PARD6A: variants seen among roughly 807,000 people sequenced by gnomAD.
PARD6A encodes par-6 family cell polarity regulator alpha.
A neutral mutation model predicts 21.3 loss-of-function variants in PARD6A; 20 were observed. The ratio of observed to expected loss-of-function variants is 0.94; its 90% CI spans 0.66 to 1.36. PARD6A has a LOEUF of 1.36. PARD6A is among the 40% of genes most tolerant of loss of function. The probability of loss-of-function intolerance (pLI) is 0.00; values close to 1 mark genes in which losing one functional copy is unlikely to be tolerated. For synonymous variants in PARD6A, 214 were observed against 204.8 expected (o/e 1.04, Z -0.38); for missense variants, 411 against 482.0 (o/e 0.85, Z 1.38).
Position 67,662,414 on chromosome 16 carries a change from G to A in PARD6A, c.805G>A (p.Gly269Arg). ...SGRLTGPPSA[G>R]PGPAEPDSDD... is the part of the protein sequence containing the mutation. Reference sequence around the variant, plus strand: ...GCGTTTGACAGGTCCTCCCTCTGCAGGGCCTGGGCCTGCTGAGCCTGATAG... The same window carrying A: ...GCGTTTGACAGGTCCTCCCTCTGCAAGGCCTGGGCCTGCTGAGCCTGATAG... Residue 269 changes from glycine to arginine, a missense_variant, in exon 3 of 3, where the codon GGG (glycine) becomes AGG (arginine). Physicochemically the swap from Gly to Arg is moderately radical, Grantham distance 125 (BLOSUM62 -2). Coordinates refer to ENST00000458121, the MANE Select transcript of PARD6A (RefSeq NM_001037281.2). This position sits in a 1 kb window ranked among gnomAD's most constrained non-coding sequence, Gnocchi z 6.9. The A allele has an allele frequency of 6.2e-7, 1 of 1,613,946 alleles. No individual in the cohort carries two copies. Among genetic ancestry groups the A allele is most frequent in the Non-Finnish European group, 8.5e-7 (1 of 1,179,976 alleles).
In PARD6A at chr16:67,661,901, G is replaced by C; in HGVS notation, c.292G>C (p.Asp98His). The C allele has an allele frequency of 6.3e-7, 1 of 1,588,698 alleles. No homozygotes were observed. The highest frequency in any genetic ancestry group is 8.5e-7 in the Non-Finnish European group (1 of 1,170,806). The change falls in exon 3 of 3, where the codon GAC becomes CAC. Residue 98 changes from aspartate (D) to histidine (H), a missense_variant. Transcript: ENST00000458121. This position sits in a 1 kb window ranked among gnomAD's most constrained non-coding sequence, Gnocchi z 7.0. Reference protein sequence around the residue: ...LRLLVQKREADSSGLAFASNS... With the variant: ...LRLLVQKREAHSSGLAFASNS... ...TCCCCCCTCTTCTGCAGCAGAAGCT[G>C]ACTCCAGCGGCCTGGCTTTTGCCTC...
chr16:67,660,974 C>A lies in PARD6A; in HGVS notation c.-65C>A, dbSNP rs1245112221. ...GGCGGGGCGGCGCGGGCGGGCCGGC[C>A]GGGCTGTGCACCTGCGCCTCGGCGG... On this transcript the variant is annotated 5_prime_UTR_variant, in exon 1 of 3. Coordinates refer to ENST00000458121, the MANE Select transcript of PARD6A (RefSeq NM_001037281.2). 4.8e-6 allele frequency: 3 copies of A among 623,336 alleles called. No homozygotes were observed. In the African/African-American group the frequency reaches 5.9e-5, roughly 12 times the overall value. 38.6% of individuals were successfully genotyped at this position (623,336 alleles called of 1,614,324 possible). A position where few individuals can be genotyped will look rare whatever the true frequency, so the allele number is the denominator to read the frequency against.
rs2053016189 is a variant in PARD6A, at chr16:67,661,517, C to G, written c.126C>G (p.Phe42Leu). The G allele has an allele frequency of 6.2e-7, 1 of 1,609,940 alleles. No homozygotes were observed. Among genetic ancestry groups the G allele is most frequent in the Non-Finnish European group, 8.5e-7 (1 of 1,179,984 alleles). ...PRASVSGFQE[F>L]SRLLRAVHQI... Reference sequence around the variant, plus strand: ...CTTCGGTGAGCGGCTTCCAGGAGTTCTCGCGGTTGCTGCGGGCGGTGCACC... The same window carrying G: ...CTTCGGTGAGCGGCTTCCAGGAGTTGTCGCGGTTGCTGCGGGCGGTGCACC... The change falls in exon 2 of 3, where the codon TTC becomes TTG. Residue 42 changes from phenylalanine (F) to leucine (L), a missense_variant. By Grantham distance (22) the Phe-to-Leu change is conservative. Coordinates refer to ENST00000458121, the MANE Select transcript of PARD6A (RefSeq NM_001037281.2). This position sits in a 1 kb window ranked among gnomAD's most constrained non-coding sequence, Gnocchi z 7.0.
chr16:67,661,998 T>C lies in PARD6A; in HGVS notation c.389T>C (p.Leu130Ser). The C allele has an allele frequency of 3.1e-6, 5 of 1,613,638 alleles. No homozygotes were observed. Among genetic ancestry groups the C allele is most frequent in the Non-Finnish European group, 4.2e-6 (5 of 1,180,026 alleles). The change falls in exon 3 of 3, where the codon TTG becomes TCG. Residue 130 changes from leucine (L) to serine (S), a missense_variant. Physicochemically the swap from Leu to Ser is moderately radical, Grantham distance 145. Coordinates refer to ENST00000458121, the MANE Select transcript of PARD6A (RefSeq NM_001037281.2). This position sits in a 1 kb window ranked among gnomAD's most constrained non-coding sequence, Gnocchi z 7.0. ...GCACCCCTGCGCACCCGGCCACCCT[T>C]GCTAATCAGCCTGCCCCAAGATTTC... is the stretch of plus-strand genomic sequence containing the variant. ...PVAPLRTRPPLLISLPQDFRQ... is the reference protein window; with the variant it reads ...PVAPLRTRPPSLISLPQDFRQ...
In PARD6A at chr16:67,662,374, G is replaced by T; in HGVS notation, c.765G>T (p.Val255=). 1 of 1,614,100 alleles carries T rather than the reference G, an allele frequency of 6.2e-7. No homozygotes were observed. The highest frequency in any genetic ancestry group is 1.1e-5 in the South Asian group (1 of 91,088). ...CCGCCAACCAGCGCAATAACGTGGT[G>T]CGAGGGGCATCTGGGCGTTTGACAG... The part of the protein sequence containing the change: ...VKPANQRNNV[V]RGASGRLTGP... The change falls in exon 3 of 3, where the codon GTG becomes GTT. Residue 255 remains valine (V), a synonymous_variant. Transcript: ENST00000458121. The surrounding 1 kb of genome is among the most constrained non-coding windows in gnomAD (Gnocchi z 6.9).
chr16:67,662,080 G>T lies in PARD6A; in HGVS notation c.471G>T (p.Val157=). The change falls in exon 3 of 3, where the codon GTG becomes GTT. Residue 157 remains valine, a synonymous_variant. Coordinates refer to ENST00000458121, the MANE Select transcript of PARD6A (RefSeq NM_001037281.2). The surrounding 1 kb of genome is among the most constrained non-coding windows in gnomAD (Gnocchi z 6.9). ...TACTGCCTGAGACCCACCGACGGGT[G>T]CGGCTGCACAAGCATGGTTCAGACC... ...VDLLPETHRR[V]RLHKHGSDRP... The T allele has an allele frequency of 2.5e-6, 4 of 1,613,832 alleles. No individual in the cohort carries two copies. The highest frequency in any genetic ancestry group is 3.4e-6 in the Non-Finnish European group (4 of 1,180,000).
rs2053004791 is a variant in PARD6A, at chr16:67,661,026, G to T, written c.-13G>T. ...CCGCCTGGGGCACCGTCCCCGGCCC[G>T]CCCGGCCCCGCCATGGCCCGGCCGC... On this transcript the variant is annotated 5_prime_UTR_variant, in exon 1 of 3. Coordinates refer to ENST00000458121, the MANE Select transcript of PARD6A (RefSeq NM_001037281.2). The surrounding 1 kb of genome is among the most constrained non-coding windows in gnomAD (Gnocchi z 7.0). 6.7e-7 allele frequency: 1 copy of T among 1,495,570 alleles called. No homozygotes were observed. 92.6% of individuals were successfully genotyped at this position (1,495,570 alleles called of 1,614,324 possible). A position where few individuals can be genotyped will look rare whatever the true frequency, so the allele number is the denominator to read the frequency against.
In PARD6A at chr16:67,662,231, C is replaced by T. The variant is rs1229970538; in HGVS notation, c.622C>T (p.Leu208=). 6.2e-7 allele frequency: 1 copy of T among 1,614,126 alleles called. No homozygotes were observed. The highest frequency in any genetic ancestry group is 1.7e-5 in the Admixed American group (1 of 60,026). The stretch of plus-strand genomic sequence containing the variant: ...GGGTCTGGCTGAGAGTACAGGGCTG[C>T]TGGCGGTCAGTGATGAGATCCTCGA... The part of the protein sequence containing the change: ...RGGLAESTGL[L]AVSDEILEVN... Residue 208 remains leucine, a synonymous_variant, in exon 3 of 3, where the codon CTG becomes TTG. Coordinates refer to ENST00000458121, the MANE Select transcript of PARD6A (RefSeq NM_001037281.2). The surrounding 1 kb of genome is among the most constrained non-coding windows in gnomAD (Gnocchi z 6.9).
chr16:67,660,966 G>T lies in PARD6A; in HGVS notation c.-73G>T. The stretch of plus-strand genomic sequence containing the variant: ...CCGCCAGGGGCGGGGCGGCGCGGGC[G>T]GGCCGGCCGGGCTGTGCACCTGCGC... On this transcript the variant is annotated 5_prime_UTR_variant, in exon 1 of 3. Transcript: ENST00000458121. 1 of 495,060 alleles carries T rather than the reference G, an allele frequency of 2.0e-6. No individual in the cohort carries two copies. The highest frequency in any genetic ancestry group is 8.1e-5 in the South Asian group (1 of 12,392). The allele number at this position is 495,060 out of a possible 1,614,324, so 30.7% of individuals were successfully genotyped here.
Position 67,660,990 on chromosome 16 carries a change from G to C in PARD6A, c.-49G>C. ...CGGGCCGGCCGGGCTGTGCACCTGC[G>C]CCTCGGCGGGCCGCCTGGGGCACCG... is the stretch of plus-strand genomic sequence containing the variant. On this transcript the variant is annotated 5_prime_UTR_variant, in exon 1 of 3. Transcript: ENST00000458121. 1 of 944,252 alleles carries C rather than the reference G, an allele frequency of 1.1e-6. No homozygotes were observed. The highest frequency in any genetic ancestry group is 2.8e-5 in the South Asian group (1 of 35,902). 58.5% of individuals were successfully genotyped at this position (944,252 alleles called of 1,614,324 possible). A position where few individuals can be genotyped will look rare whatever the true frequency, so the allele number is the denominator to read the frequency against.
Position 67,661,715 on chromosome 16 carries a change from G to C in PARD6A, c.286+38G>C, listed in dbSNP as rs1246113864. 6.3e-7 allele frequency: 1 copy of C among 1,595,164 alleles called. No individual in the cohort carries two copies. ...ACAGTGGGCAGCCTCTGTGGGGTAAGGTGTCTGTGGGGCAGGTCTACAAGG... is the reference window on the plus strand; with the variant it reads ...ACAGTGGGCAGCCTCTGTGGGGTAACGTGTCTGTGGGGCAGGTCTACAAGG... On this transcript the variant is annotated intron_variant, in intron 2 of 2. Transcript: ENST00000458121. The surrounding 1 kb of genome is among the most constrained non-coding windows in gnomAD (Gnocchi z 7.0).
chr16:67,662,078 G>A lies in PARD6A; in HGVS notation c.469G>A (p.Val157Met). ...CCTACTGCCTGAGACCCACCGACGG[G>A]TGCGGCTGCACAAGCATGGTTCAGA... ...VDLLPETHRR[V>M]RLHKHGSDRP... Residue 157 changes from valine (V) to methionine (M), a missense_variant, in exon 3 of 3, where the codon GTG (valine) becomes ATG (methionine). Transcript: ENST00000458121. The surrounding 1 kb of genome is among the most constrained non-coding windows in gnomAD (Gnocchi z 6.9). 8.7e-6 allele frequency: 14 copies of A among 1,613,840 alleles called. No individual in the cohort carries two copies. Among genetic ancestry groups the A allele is most frequent in the East Asian group, 2.2e-5 (1 of 44,878 alleles).
chr16:67,662,086 G>A lies in PARD6A; in HGVS notation c.477G>A (p.Leu159=). ...CTGAGACCCACCGACGGGTGCGGCT[G>A]CACAAGCATGGTTCAGACCGCCCCC... ...LLPETHRRVR[L]HKHGSDRPLG... Residue 159 remains leucine (L), a synonymous_variant, in exon 3 of 3, where the codon CTG becomes CTA. Coordinates refer to ENST00000458121, the MANE Select transcript of PARD6A (RefSeq NM_001037281.2). The surrounding 1 kb of genome is among the most constrained non-coding windows in gnomAD (Gnocchi z 6.9). 1 of 1,613,792 alleles carries A rather than the reference G, an allele frequency of 6.2e-7. No individual in the cohort carries two copies.
rs1229819546 is a variant in PARD6A, at chr16:67,661,891, A to G, written c.287-5A>G. ...GATCTCAACATCCCCCCTCTTCTGC[A>G]GCAGAAGCTGACTCCAGCGGCCTGG... On this transcript the variant is annotated splice_polypyrimidine_tract_variant and splice_region_variant and intron_variant, in intron 2 of 2. Transcript: ENST00000458121. The surrounding 1 kb of genome is among the most constrained non-coding windows in gnomAD (Gnocchi z 7.0). 6.3e-7 allele frequency: 1 copy of G among 1,578,648 alleles called. No homozygotes were observed. The highest frequency in any genetic ancestry group is 8.6e-7 in the Non-Finnish European group (1 of 1,166,518).
In PARD6A at chr16:67,662,154, C is replaced by T. The variant is rs145510507; in HGVS notation, c.545C>T (p.Pro182Leu). The stretch of plus-strand genomic sequence containing the variant: ...GATGGCATGAGCGTGCGTGTGGCTC[C>T]CCAGGGCCTGGAGCGGGTTCCAGGA... Reference protein sequence around the residue: ...IRDGMSVRVAPQGLERVPGIF... With the variant: ...IRDGMSVRVALQGLERVPGIF... Residue 182 changes from proline to leucine, a missense_variant, in exon 3 of 3, where the codon CCC (proline) becomes CTC (leucine). Physicochemically the swap from Pro to Leu is moderately conservative, Grantham distance 98 (BLOSUM62 -3). Coordinates refer to ENST00000458121, the MANE Select transcript of PARD6A (RefSeq NM_001037281.2). This position sits in a 1 kb window ranked among gnomAD's most constrained non-coding sequence, Gnocchi z 6.9. 6.2e-7 allele frequency: 1 copy of T among 1,613,930 alleles called. No individual in the cohort carries two copies. The highest frequency in any genetic ancestry group is 1.7e-5 in the Admixed American group (1 of 60,016).
Position 67,661,553 on chromosome 16 carries a change from C to A in PARD6A, c.162C>A (p.Gly54=). The A allele has an allele frequency of 6.2e-7, 1 of 1,610,596 alleles. No homozygotes were observed. The highest frequency in any genetic ancestry group is 1.1e-5 in the South Asian group (1 of 91,086). Residue 54 remains glycine, a synonymous_variant, in exon 2 of 3, where the codon GGC becomes GGA. Coordinates refer to ENST00000458121, the MANE Select transcript of PARD6A (RefSeq NM_001037281.2). The surrounding 1 kb of genome is among the most constrained non-coding windows in gnomAD (Gnocchi z 7.0). Reference sequence around the variant, plus strand: ...TGCGGGCGGTGCACCAGATCCCGGGCCTGGACGTGCTACTTGGCTATACGG... The same window carrying A: ...TGCGGGCGGTGCACCAGATCCCGGGACTGGACGTGCTACTTGGCTATACGG... ...RLLRAVHQIP[G]LDVLLGYTDA... is the part of the protein sequence containing the mutation.
chr16:67,662,197 G>A lies in PARD6A; in HGVS notation c.588G>A (p.Leu196=). The A allele has an allele frequency of 6.2e-7, 1 of 1,614,076 alleles. No homozygotes were observed. The part of the protein sequence containing the change: ...ERVPGIFISR[L]VRGGLAESTG... ...TTCCAGGAATCTTCATCTCCCGCCTGGTACGTGGGGGTCTGGCTGAGAGTA... is the reference window on the plus strand; with the variant it reads ...TTCCAGGAATCTTCATCTCCCGCCTAGTACGTGGGGGTCTGGCTGAGAGTA... Residue 196 remains leucine, a synonymous_variant, in exon 3 of 3, where the codon CTG becomes CTA. Transcript: ENST00000458121. This position sits in a 1 kb window ranked among gnomAD's most constrained non-coding sequence, Gnocchi z 6.9.
chr16:67,661,305 C>A lies in PARD6A; in HGVS notation c.64-150C>A. The A allele has an allele frequency of 1.7e-6, 2 of 1,180,152 alleles. No homozygotes were observed. Among genetic ancestry groups the A allele is most frequent in the South Asian group, 1.5e-5 (1 of 66,668 alleles). The allele number at this position is 1,180,152 out of a possible 1,614,324, so 73.1% of individuals were successfully genotyped here. A position where few individuals can be genotyped will look rare whatever the true frequency, so the allele number is the denominator to read the frequency against. The stretch of plus-strand genomic sequence containing the variant: ...AGTACCTGGAGGGCGGTAAGAAGAC[C>A]TTGGACAGCGTCCCTGGTACTGGAG... On this transcript the variant is annotated intron_variant, in intron 1 of 2. Coordinates refer to ENST00000458121, the MANE Select transcript of PARD6A (RefSeq NM_001037281.2). This position sits in a 1 kb window ranked among gnomAD's most constrained non-coding sequence, Gnocchi z 7.0.
rs1004936452 is a variant in PARD6A, at chr16:67,661,314, C to T, written c.64-141C>T. 2.5e-6 allele frequency: 3 copies of T among 1,202,118 alleles called. No individual in the cohort carries two copies. Among genetic ancestry groups the T allele is most frequent in the South Asian group, 3.0e-5 (2 of 66,934 alleles). The allele number at this position is 1,202,118 out of a possible 1,614,324, so 74.5% of individuals were successfully genotyped here. A position where few individuals can be genotyped will look rare whatever the true frequency, so the allele number is the denominator to read the frequency against. On this transcript the variant is annotated intron_variant, in intron 1 of 2. Transcript: ENST00000458121. This position sits in a 1 kb window ranked among gnomAD's most constrained non-coding sequence, Gnocchi z 7.0. ...AGGGCGGTAAGAAGACCTTGGACAG[C>T]GTCCCTGGTACTGGAGCTGAGGTCT... is the stretch of plus-strand genomic sequence containing the variant.
Sources: allele counts gnomAD v4.1 joint callset, GRCh38; gene constraint gnomAD v4.1.1; non-coding constraint Gnocchi (gnomAD v3.1); transcripts MANE v1.5; gene names NCBI Gene and HGNC (gene_info 2026-07-23, HGNC 2026-07-21).